Variants in IPO11 observed in about 807,000 individuals in gnomAD.
IPO11 encodes importin 11, also known as importin-11.
IPO11 carries 66 observed loss-of-function variants against 143.2 expected under a neutral mutation model. That is an observed-to-expected ratio of 0.46 (90% confidence interval 0.38 to 0.57). The LOEUF is 0.57. Ranked by LOEUF, IPO11 falls within the 20% of genes least tolerant of loss-of-function variation. The pLI is 0.00. For missense variants in IPO11, 1,026 were observed against 1,141.0 expected (o/e 0.90, Z 1.45); for synonymous variants, 385 against 377.8 (o/e 1.02, Z -0.22).
At chr5:62,567,961 TTTGATTGATTGA>T (rs568699548) in intron 27 of IPO11, among the ~76,000 whole-genome samples, 1 of 151,636 alleles carries the variant, frequency 6.6e-6, no homozygotes, top group Non-Finnish European at 1.5e-5. Context: ...ATTTTTCTCT[TTTGATTGATTGA>T]TTGATTGATT....
chr5:62,449,086 T>C (rs1744817802), intron 3 of IPO11, among the ~76,000 whole-genome samples: 1 of 152,170 alleles, frequency 6.6e-6, no homozygotes, highest in Admixed American at 6.5e-5. Context: ...CAGGCTGGAG[T>C]GCAGTGGTGC....
Position 62,504,646 on chromosome 5 carries a change from TA to T in IPO11, c.1591-19del, listed in dbSNP as rs1454941410. The T allele has an allele frequency of 1.5e-6, 2 of 1,373,536 alleles. No homozygotes were observed. Among genetic ancestry groups the T allele is most frequent in the Non-Finnish European group, 1.0e-6 (1 of 995,664 alleles). 85.1% of individuals were successfully genotyped at this position (1,373,536 alleles called of 1,614,324 possible). On this transcript the variant is annotated intron_variant, in intron 16 of 29. Coordinates refer to ENST00000325324, the MANE Select transcript of IPO11 (RefSeq NM_016338.5). Reference sequence around the variant, plus strand: ...TAGTCATTCTAAAATAATTAAAAACTAATGATATACTTTCTTTTAGGTCCGT... The same window carrying T: ...TAGTCATTCTAAAATAATTAAAAACTATGATATACTTTCTTTTAGGTCCGT...
chr5:62,437,029 T>C (rs540497708), intron 1 of IPO11, among the ~76,000 whole-genome samples: 2 of 152,290 alleles, frequency 1.3e-5, no homozygotes, highest in South Asian at 4.1e-4. Context: ...ATTTATTATC[T>C]TCTATTTATG....
At chr5:62,623,943 T>C (rs934403199) in intron 29 of IPO11, among the ~76,000 whole-genome samples, 1 of 151,904 alleles carries the variant, frequency 6.6e-6, no homozygotes, top group Non-Finnish European at 1.5e-5. Flanking sequence ...ATTACTTGAT[T>C]ATATGCTAAA....
At chr5:62,617,552 T>C (rs1746186405) in intron 29 of IPO11, among the ~76,000 whole-genome samples, 1 of 152,216 alleles carries the variant, frequency 6.6e-6, no homozygotes, top group South Asian at 2.1e-4. Flanking sequence ...AATATTCTAT[T>C]ACACTTTGTT....
intron 19 of IPO11, among the ~76,000 whole-genome samples, chr5:62,512,028 G>A (rs1741766714): frequency 6.6e-6 from 1 of 152,170 alleles, no homozygotes; most frequent in South Asian, 2.1e-4. Flanking sequence ...CTCAGCTTAG[G>A]CTGTGGGTCC....
intron 11 of IPO11, among the ~76,000 whole-genome samples, chr5:62,484,835 G>T (rs1329519794): frequency 6.7e-6 from 1 of 149,370 alleles, no homozygotes; most frequent in Non-Finnish European, 1.5e-5. Context: ...CATGCTTTTG[G>T]TTTTTAAAAG....
intron 3 of IPO11, among the ~76,000 whole-genome samples, chr5:62,446,658 A>C (rs923651286): frequency 2.0e-5 from 3 of 152,280 alleles, no homozygotes; most frequent in African/African-American, 4.8e-5. Context: ...TCCTTTGTCA[A>C]ATATACGTAT....
intron 29 of IPO11, among the ~76,000 whole-genome samples, chr5:62,622,987 G>A (rs78023888): frequency 5.7e-4 from 87 of 152,232 alleles, no homozygotes; most frequent in African/African-American, 2.0e-3. Flanking sequence ...GTATTGCTGC[G>A]CCCTGTTGAT....
At chr5:62,425,421 G>A (rs1743696795) in intron 1 of IPO11, among the ~76,000 whole-genome samples, 1 of 152,124 alleles carries the variant, frequency 6.6e-6, no homozygotes. Flanking sequence ...GGGTTCAGGC[G>A]ATTCTCCTGC....
intron 9 of IPO11, among the ~76,000 whole-genome samples, chr5:62,478,104 T>C (rs1378302850): frequency 2.6e-5 from 4 of 152,286 alleles, no homozygotes; most frequent in African/African-American, 7.2e-5. Context: ...ATCCCAGATA[T>C]TATCTAGTAT....
At chr5:62,483,458 G>A (rs1746282146) in intron 10 of IPO11, 165 bp downstream of exon 10, 6 of 515,160 alleles carry the variant, frequency 1.2e-5, no homozygotes, top group South Asian at 3.3e-5. Flanking sequence ...GTTTATACTA[G>A]CTTTTAAAAA....
intron 1 of IPO11, among the ~76,000 whole-genome samples, chr5:62,430,639 A>G (rs1206325466): frequency 1.3e-5 from 2 of 151,212 alleles, no homozygotes; most frequent in Admixed American, 1.3e-4. Context: ...CTCAGAAAGT[A>G]GTTTAGCAGT....
chr5:62,577,016 A>G (rs1330710989), intron 27 of IPO11, among the ~76,000 whole-genome samples: 2 of 152,242 alleles, frequency 1.3e-5, no homozygotes, highest in Non-Finnish European at 2.9e-5. Flanking sequence ...CTGGAAAGAA[A>G]TAGAAGACTA....
At chr5:62,513,376 C>G (rs1741855928) in intron 19 of IPO11, among the ~76,000 whole-genome samples, 1 of 142,080 alleles carries the variant, frequency 7.0e-6, no homozygotes, top group South Asian at 2.3e-4. Context: ...CCCCCCACCT[C>G]CCTCCCGGAC....
At chr5:62,504,216 A>G (rs186159909) in intron 16 of IPO11, among the ~76,000 whole-genome samples, 1 of 152,320 alleles carries the variant, frequency 6.6e-6, no homozygotes, top group Non-Finnish European at 1.5e-5. Context: ...TCAAAGATTT[A>G]CTGTAATTGA....
chr5:62,538,647 A>G (rs1742820030), intron 24 of IPO11, among the ~76,000 whole-genome samples: 1 of 152,034 alleles, frequency 6.6e-6, no homozygotes, highest in African/African-American at 2.4e-5. Context: ...ACTCAATTAA[A>G]CCTCTTTCCT....
chr5:62,511,760 A>T (rs921501061), intron 19 of IPO11, among the ~76,000 whole-genome samples: 4 of 145,170 alleles, frequency 2.8e-5, no homozygotes, highest in Non-Finnish European at 4.5e-5. Flanking sequence ...TTTTATTTTT[A>T]TTTTTTTTTT....
rs369335085 is a variant in IPO11, at chr5:62,580,963, A to G, written c.2583-10614A>G. On this transcript the variant is annotated intron_variant, in intron 27 of 29. Coordinates refer to ENST00000325324, the MANE Select transcript of IPO11 (RefSeq NM_016338.5). ...TGCTCTACCGAATGATGCTGCTTCAATGTCAGGGAAAACATCTCTAATTTG... is the reference window on the plus strand; with the variant it reads ...TGCTCTACCGAATGATGCTGCTTCAGTGTCAGGGAAAACATCTCTAATTTG... The G allele has an allele frequency of 2.4e-5, 37 of 1,551,198 alleles. No homozygotes were observed. The highest frequency in any genetic ancestry group is 4.1e-5 in the African/African-American group (3 of 73,150).
Sources: allele counts gnomAD v4.1 joint callset (sites outside exome capture counted in the v4.1 genomes callset), GRCh38; gene constraint gnomAD v4.1.1; transcripts MANE v1.5; gene names NCBI Gene and HGNC (gene_info 2026-07-23, HGNC 2026-07-21).